The following PIK3CB variants were observed in gnomAD, a reference collection of about 807,000 sequenced individuals.
PIK3CB encodes phosphatidylinositol-4,5-bisphosphate 3-kinase catalytic subunit beta.
A neutral mutation model predicts 136.8 loss-of-function variants in PIK3CB; 39 were observed. That is an observed-to-expected ratio of 0.29 (90% CI 0.22 to 0.37). PIK3CB has a LOEUF of 0.37. Ranked by LOEUF, PIK3CB falls within the 10% of genes least tolerant of loss-of-function variation. The pLI is 1.00. For synonymous variants in PIK3CB, 428 were observed against 436.6 expected, an observed-to-expected ratio of 0.98 and a Z score of 0.25; for missense variants, 868 against 1,275.4, an observed-to-expected ratio of 0.68 and a Z score of 4.87.
Position 138,669,956 on chromosome 3 carries a change from T to C in PIK3CB, c.2505-4753A>G, listed in dbSNP as rs150803438. ...GGTTTGGTGAGAAAAAGGTACCAGT[T>C]TGGAAATGAACTTAAAAAAAAATTA... is the stretch of plus-strand genomic sequence containing the variant. On this transcript the variant is annotated intron_variant, in intron 19 of 23. Coordinates refer to ENST00000674063, the MANE Select transcript of PIK3CB (RefSeq NM_006219.3). 1.2e-4 allele frequency among the ~76,000 whole-genome samples: 18 copies of C among 152,298 alleles called. No individual in the cohort carries two copies. The East Asian group carries it at 3.5e-3, about 29-fold the overall frequency.
chr3:138,664,963 C>T, intron 20 of PIK3CB, 73 bp downstream of exon 20: 1 of 997,636 alleles, frequency 1.0e-6, no homozygotes, highest in Admixed American at 2.5e-5. Flanking sequence ...ACACTGCTGA[C>T]TTCTATTGGG....
At chr3:138,750,819 C>T (rs1359210590) in intron 4 of PIK3CB, among the ~76,000 whole-genome samples, 8 of 152,156 alleles carry the variant, frequency 5.3e-5, no homozygotes, top group African/African-American at 1.9e-4. Flanking sequence ...TTGAAGGTGA[C>T]CCTTTCTGAC....
chr3:138,694,316 G>A (rs1203100092), intron 14 of PIK3CB, among the ~76,000 whole-genome samples: 10 of 152,024 alleles, frequency 6.6e-5, no homozygotes, highest in Non-Finnish European at 8.8e-5. Context: ...CCGTGGCCAC[G>A]AAGTCTCTAA....
intron 1 of PIK3CB, chr3:138,826,392 G>T: frequency 6.9e-7 from 1 of 1,449,732 alleles, no homozygotes; most frequent in Non-Finnish European, 9.5e-7. Context: ...CCTCAGAAAT[G>T]TTTGTTTCAA....
intron 21 of PIK3CB, among the ~76,000 whole-genome samples, chr3:138,662,201 G>A (rs1304315872): frequency 6.7e-6 from 1 of 149,174 alleles, no homozygotes; most frequent in Non-Finnish European, 1.5e-5. Flanking sequence ...ATGCTGGTGT[G>A]CTGTACCCAT....
chr3:138,705,191 A>AAAAAAAAAAAAAAAAAAAAAAT (rs2044350451), intron 11 of PIK3CB, among the ~76,000 whole-genome samples: 2 of 93,502 alleles, frequency 2.1e-5, no homozygotes, highest in Admixed American at 1.0e-4. Flanking sequence ...CAAAACAAAC[A>AAAAAAAAAAAAAAAAAAAAAAT]AAAAAAAAAA....
chr3:138,743,655 T>C (rs1481280714), intron 4 of PIK3CB, among the ~76,000 whole-genome samples: 1 of 152,152 alleles, frequency 6.6e-6, no homozygotes, highest in Admixed American at 6.6e-5. Context: ...CTTCATCTCC[T>C]GGGCTCAAGC....
intron 10 of PIK3CB, among the ~76,000 whole-genome samples, chr3:138,711,467 T>C (rs1170015377): frequency 6.7e-6 from 1 of 148,592 alleles, no homozygotes; most frequent in Admixed American, 6.9e-5. Flanking sequence ...TAATCCCAGC[T>C]AGCAGGGAGG....
chr3:138,822,338 G>C (rs1317521523), intron 1 of PIK3CB, among the ~76,000 whole-genome samples: 1 of 151,970 alleles, frequency 6.6e-6, no homozygotes, highest in Non-Finnish European at 1.5e-5. Flanking sequence ...GGCAGATCAG[G>C]AGTTCGAGAC....
Position 138,755,836 on chromosome 3 carries a change from A to G in PIK3CB, c.315T>C (p.Phe105=). The G allele has an allele frequency of 1.2e-6, 2 of 1,613,134 alleles. No homozygotes were observed. The highest frequency in any genetic ancestry group is 1.7e-6 in the Non-Finnish European group (2 of 1,179,250). ...ETRRLCDVRP[F]LPVLKLVTRS... is the part of the protein sequence containing the mutation. ...TTGTCACTAATTTGAGAACTGGAAG[A>G]AAAGGTCTGACATCACAGAGTCTTC... Residue 105 remains phenylalanine, a synonymous_variant, in exon 4 of 24, where the codon TTT becomes TTC. Transcript: ENST00000674063.
In PIK3CB at chr3:138,683,716, C is replaced by T; in HGVS notation, c.2387G>A (p.Gly796Asp). The T allele has an allele frequency of 3.7e-6, 6 of 1,603,142 alleles. No homozygotes were observed. The highest frequency in any genetic ancestry group is 5.1e-6 in the Non-Finnish European group (6 of 1,170,394). Residue 796 changes from glycine to aspartate, a missense_variant, in exon 18 of 24, where the codon GGT becomes GAT. Transcript: ENST00000674063. ...AAAAATCACTCCAACTGAATCCTCACCAAATACCTTGTTATTGTATACCAG... is the reference window on the plus strand; with the variant it reads ...AAAAATCACTCCAACTGAATCCTCATCAAATACCTTGTTATTGTATACCAG... ...LWLVYNNKVF[G>D]EDSVGVIFKN...
Position 138,737,673 on chromosome 3 carries a change from A to G in PIK3CB, c.801+34T>C, listed in dbSNP as rs3729700. ...TATATATATATATATATACTCATAGACTTTTCTGGTAAATTAATAGTTAAT... is the reference window on the plus strand; with the variant it reads ...TATATATATATATATATACTCATAGGCTTTTCTGGTAAATTAATAGTTAAT... On this transcript the variant is annotated intron_variant, in intron 6 of 23. Transcript: ENST00000674063. 7,502 of 1,076,878 alleles carry G rather than the reference A, an allele frequency of 7.0e-3. 385 individuals carry two copies. The African/African-American group carries it at 0.11, about 15-fold the overall frequency. 66.7% of individuals were successfully genotyped at this position (1,076,878 alleles called of 1,614,324 possible).
At chr3:138,807,633 C>T (rs915197957) in intron 1 of PIK3CB, among the ~76,000 whole-genome samples, 1 of 152,064 alleles carries the variant, frequency 6.6e-6, no homozygotes, top group African/African-American at 2.4e-5. Flanking sequence ...TAGCTCAAAC[C>T]TATAATCCCA....
intron 4 of PIK3CB, among the ~76,000 whole-genome samples, chr3:138,746,518 A>G (rs540907): frequency 0.6 from 91,256 of 151,468 alleles, 28,337 homozygotes; most frequent in East Asian, 0.98. Flanking sequence ...AAAATTAGCC[A>G]AGAGTGGTGG....
rs554284375 is a variant in PIK3CB at position 138,728,574 on chromosome 3, G to T, written c.1050+4787C>A. ...GGGTGGATCATGAGGTCAGGAGATC[G>T]AGACCATCCTGGCTAACATGGTGAA... On this transcript the variant is annotated intron_variant, in intron 8 of 23. Coordinates refer to ENST00000674063, the MANE Select transcript of PIK3CB (RefSeq NM_006219.3). Among the ~76,000 whole-genome samples, 4 of 152,022 alleles carry T rather than the reference G, an allele frequency of 2.6e-5. No individual in the cohort carries two copies. The South Asian group carries it at 8.3e-4, about 32-fold the overall frequency.
chr3:138,663,476 G>A (rs1484314364), intron 21 of PIK3CB, among the ~76,000 whole-genome samples: 1 of 152,130 alleles, frequency 6.6e-6, no homozygotes, highest in Non-Finnish European at 1.5e-5. Flanking sequence ...CCGCCTCCCA[G>A]GTTCAAGTGA....
chr3:138,794,956 T>C (rs1266692164), intron 2 of PIK3CB, among the ~76,000 whole-genome samples: 1 of 152,132 alleles, frequency 6.6e-6, no homozygotes, highest in Non-Finnish European at 1.5e-5. Context: ...GGAGGATCAC[T>C]TGAGCCCAGA....
At chr3:138,724,642 T>G (rs906106620) in intron 8 of PIK3CB, among the ~76,000 whole-genome samples, 1 of 152,206 alleles carries the variant, frequency 6.6e-6, no homozygotes, top group African/African-American at 2.4e-5. Context: ...TCCATTCATC[T>G]TGTCAGCATA....
intron 14 of PIK3CB, among the ~76,000 whole-genome samples, chr3:138,693,754 A>G (rs1475903781): frequency 6.6e-6 from 1 of 151,616 alleles, no homozygotes; most frequent in Admixed American, 6.6e-5. Context: ...GGCAAGACAC[A>G]TTTGTGTAAT....
Sources: gnomAD v4.1 joint callset for allele counts (sites outside exome capture counted in the v4.1 genomes callset) on GRCh38, gnomAD v4.1.1 for gene constraint, MANE v1.5 for transcripts, NCBI Gene and HGNC (gene_info 2026-07-23, HGNC 2026-07-21) for gene names.